The following PLEKHG1 variants were observed in gnomAD, a reference collection of about 807,000 sequenced individuals.
The protein encoded by PLEKHG1 is pleckstrin homology and RhoGEF domain containing G1.
PLEKHG1 carries 44 observed loss-of-function variants against 100.8 expected under a neutral mutation model. That is an observed-to-expected ratio of 0.44 (90% confidence interval 0.34 to 0.56). The LOEUF is 0.56. Ranked by LOEUF, PLEKHG1 falls within the 20% of genes least tolerant of loss-of-function variation. PLEKHG1 has a pLI of 0.01. For synonymous variants in PLEKHG1, 640 were observed against 662.5 expected, an observed-to-expected ratio of 0.97 and a Z score of 0.52; for missense variants, 1,545 against 1,720.9, an observed-to-expected ratio of 0.90 and a Z score of 1.81.
chr6:150,629,701 C>A (rs1041746977), intron 1 of PLEKHG1, among the ~76,000 whole-genome samples: 4 of 152,144 alleles, frequency 2.6e-5, no homozygotes, highest in Non-Finnish European at 5.9e-5. Flanking sequence ...CCTCATGATC[C>A]GCCTGCCTCG....
chr6:150,677,780 G>C (rs986268550), intron 3 of PLEKHG1, among the ~76,000 whole-genome samples: 5 of 152,104 alleles, frequency 3.3e-5, no homozygotes, highest in East Asian at 3.9e-4. Flanking sequence ...GGGAGATTGA[G>C]GAGGGCGGGT....
At chr6:150,650,881 G>C (rs1200299741) in intron 3 of PLEKHG1, 95 bp downstream of exon 2, 2 of 152,090 alleles carry the variant, frequency 1.3e-5, no homozygotes, top group Non-Finnish European at 1.5e-5. Flanking sequence ...TTTTGTATAA[G>C]TGTACTCTGT....
chr6:150,795,781 T>A, intron 4 of PLEKHG1, 75 bp from the exon 6 acceptor site: 1 of 857,246 alleles, frequency 1.2e-6, no homozygotes, highest in Non-Finnish European at 1.9e-6. Context: ...GAATGCTATT[T>A]CTTTTTATTG....
chr6:150,816,419 C>A (rs143923436), intron 10 of PLEKHG1, among the ~76,000 whole-genome samples: 1,721 of 138,014 alleles, frequency 0.012, 18 homozygotes, highest in Middle Eastern at 0.048. Flanking sequence ...CTCTGCCTTC[C>A]CAGGTTCAAG....
chr6:150,685,337 T>A (rs1204838740), intron 3 of PLEKHG1, among the ~76,000 whole-genome samples: 1 of 152,070 alleles, frequency 6.6e-6, no homozygotes, highest in Non-Finnish European at 1.5e-5. Flanking sequence ...CCCTAGAGAG[T>A]AGGTGGCTTT....
At chr6:150,837,151 G>A (rs977719647) in intron 15 of PLEKHG1, among the ~76,000 whole-genome samples, 1 of 152,186 alleles carries the variant, frequency 6.6e-6, no homozygotes, top group Admixed American at 6.5e-5. Flanking sequence ...AACAGAGTGA[G>A]ACTTTGTCTC....
chr6:150,667,347 G>T (rs1427886655), intron 3 of PLEKHG1, among the ~76,000 whole-genome samples: 1 of 152,080 alleles, frequency 6.6e-6, no homozygotes, highest in East Asian at 1.9e-4. Flanking sequence ...CTTAGCCTTT[G>T]ACTAAGGATT....
At chr6:150,709,291 C>T (rs775301136) in intron 3 of PLEKHG1, among the ~76,000 whole-genome samples, 5 of 152,096 alleles carry the variant, frequency 3.3e-5, no homozygotes, top group East Asian at 1.9e-4. Context: ...GCCGAGATTG[C>T]GCCACTGCAC....
chr6:150,768,660 A>G, exon 3 of PLEKHG1: 1 of 1,611,512 alleles, frequency 6.2e-7, no homozygotes, highest in Non-Finnish European at 8.5e-7. Flanking sequence ...TGCATCAGGG[A>G]CCAAACAAAA....
intron 10 of PLEKHG1, among the ~76,000 whole-genome samples, chr6:150,810,554 A>C (rs117651624): frequency 6.9e-6 from 1 of 144,620 alleles, no homozygotes; most frequent in Non-Finnish European, 1.5e-5. Context: ...AAGGAAGGAA[A>C]GAAAGAAAGA....
chr6:150,775,789 A>G (rs781606675), intron 3 of PLEKHG1, among the ~76,000 whole-genome samples: 1 of 152,170 alleles, frequency 6.6e-6, no homozygotes, highest in Non-Finnish European at 1.5e-5. Flanking sequence ...TTTCTTTTTT[A>G]GTGCATTTTC....
chr6:150,718,469 CTTTTTTTTT>C (rs3072740), upstream of PLEKHG1, among the ~76,000 whole-genome samples: 4 of 130,682 alleles, frequency 3.1e-5, no homozygotes, highest in African/African-American at 1.1e-4. Flanking sequence ...CTTCCCTTTA[CTTTTTTTTT>C]TTTTTTTTTG....
rs902103316 is a variant in PLEKHG1, at chr6:150,683,034, G to T, written c.-99+32248G>T. 2.0e-5 allele frequency among the ~76,000 whole-genome samples: 3 copies of T among 152,146 alleles called. No homozygotes were observed. Among genetic ancestry groups the T allele is most frequent in the Non-Finnish European group, 4.4e-5 (3 of 68,030 alleles). ...ATACTTAATGCTGATGGCTTCGTGC[G>T]CATCTTAACAGTTGACAACTACATC... On this transcript the variant is annotated intron_variant, in intron 3 of 3. Coordinates refer to the PLEKHG1 transcript ENST00000367326. The surrounding 1 kb of genome is among the most constrained non-coding windows in gnomAD (Gnocchi z 4.0).
chr6:150,800,377 CAG>C (rs1786622294), intron 5 of PLEKHG1, among the ~76,000 whole-genome samples: 2 of 152,178 alleles, frequency 1.3e-5, no homozygotes, highest in Admixed American at 1.3e-4. Context: ...GAGCACTGCA[CAG>C]AGATACCCAG....
intron 10 of PLEKHG1, among the ~76,000 whole-genome samples, chr6:150,817,883 G>A (rs976757598): frequency 6.6e-6 from 1 of 151,856 alleles, no homozygotes; most frequent in African/African-American, 2.4e-5. Flanking sequence ...TTTTTAATAA[G>A]CTGGCCAATG....
chr6:150,773,944 C>G (rs1262779974), intron 3 of PLEKHG1, among the ~76,000 whole-genome samples: 2 of 151,984 alleles, frequency 1.3e-5, no homozygotes, highest in Non-Finnish European at 2.9e-5. Context: ...AACTTTATTC[C>G]TAGATACTTA....
At chr6:150,660,396 CATG>C (rs1779139534) in intron 3 of PLEKHG1, among the ~76,000 whole-genome samples, 2 of 152,068 alleles carry the variant, frequency 1.3e-5, no homozygotes. Context: ...CTAATTTTTT[CATG>C]ATGATTATCT....
At chr6:150,630,766 G>T (rs998350070) in intron 1 of PLEKHG1, among the ~76,000 whole-genome samples, 2 of 152,080 alleles carry the variant, frequency 1.3e-5, no homozygotes, top group East Asian at 1.9e-4. Flanking sequence ...GCTAGATGAG[G>T]TATCAGAGTG....
chr6:150,640,555 T>TCAC (rs2128567720), intron 2 of PLEKHG1, among the ~76,000 whole-genome samples: 1 of 152,308 alleles, frequency 6.6e-6, no homozygotes, highest in East Asian at 1.9e-4. Context: ...ATCTATCTTG[T>TCAC]CACCATTTAT....
Sources: allele counts gnomAD v4.1 joint callset (sites outside exome capture counted in the v4.1 genomes callset), GRCh38; gene constraint gnomAD v4.1.1; non-coding constraint Gnocchi (gnomAD v3.1); transcripts MANE v1.5; gene names NCBI Gene and HGNC (gene_info 2026-07-23, HGNC 2026-07-21).